The following LDB2 variants were observed in gnomAD, a reference collection of about 807,000 sequenced individuals.
The protein encoded by LDB2 is LIM domain binding 2.
LDB2 carries 12 observed loss-of-function variants against 44.3 expected under a neutral mutation model. That is an observed-to-expected ratio of 0.27 (90% CI 0.17 to 0.44). LDB2 has a LOEUF of 0.44. Among genes scored for constraint, LDB2 ranks in the 20% least tolerant of loss-of-function variants. The pLI is 1.00. For synonymous variants in LDB2, 164 were observed against 174.8 expected, an observed-to-expected ratio of 0.94 and a Z score of 0.49; for missense variants, 344 against 473.5, an observed-to-expected ratio of 0.73 and a Z score of 2.54.
chr4:16,560,043 A>G (rs1409629256), intron 5 of LDB2, among the ~76,000 whole-genome samples: 1 of 152,218 alleles, frequency 6.6e-6, no homozygotes, highest in Non-Finnish European at 1.5e-5. Flanking sequence ...AACATACCAG[A>G]ATCTCTGGGA....
In LDB2 at chr4:16,543,473, T is replaced by C. The variant is rs189700208; in HGVS notation, c.616-31369A>G. On this transcript the variant is annotated intron_variant, in intron 5 of 7. Transcript: ENST00000304523. ...TTTTAACGATCGCCATTCTAACTGATGTGAGATGGTATCTCATTGTGGTTT... is the reference window on the plus strand; with the variant it reads ...TTTTAACGATCGCCATTCTAACTGACGTGAGATGGTATCTCATTGTGGTTT... 5.4e-3 allele frequency among the ~76,000 whole-genome samples: 828 copies of C among 152,368 alleles called. 14 individuals are homozygous for C. The highest frequency in any genetic ancestry group is 0.019 in the African/African-American group (792 of 41,584).
chr4:16,692,602 AG>A (rs1751056254), intron 2 of LDB2, among the ~76,000 whole-genome samples: 1 of 152,074 alleles, frequency 6.6e-6, no homozygotes, highest in Non-Finnish European at 1.5e-5. Flanking sequence ...TCTGCACTGC[AG>A]GGGGAAGAAA....
At chr4:16,547,587 C>T (rs1736210364) in intron 5 of LDB2, among the ~76,000 whole-genome samples, 1 of 152,148 alleles carries the variant, frequency 6.6e-6, no homozygotes, top group Non-Finnish European at 1.5e-5. Context: ...AGGGCTCCTG[C>T]CTGCTCCTTA....
chr4:16,601,716 A>C (rs1005477632), intron 2 of LDB2, among the ~76,000 whole-genome samples: 2 of 152,190 alleles, frequency 1.3e-5, no homozygotes, highest in African/African-American at 2.4e-5. Context: ...TAATTCTGCT[A>C]TATCTCAAAA....
intron 2 of LDB2, among the ~76,000 whole-genome samples, chr4:16,601,734 T>C (rs899845778): frequency 1.3e-5 from 2 of 152,150 alleles, no homozygotes; most frequent in African/African-American, 4.8e-5. Context: ...AAAATCCAAA[T>C]GGAAATTCTA....
intron 1 of LDB2, among the ~76,000 whole-genome samples, chr4:16,825,782 A>G (rs1384560834): frequency 1.3e-5 from 2 of 152,182 alleles, no homozygotes; most frequent in South Asian, 2.1e-4. Flanking sequence ...GTTACTGAAC[A>G]TAGGAATTAA....
intron 2 of LDB2, among the ~76,000 whole-genome samples, chr4:16,748,610 T>C (rs532040432): frequency 6.6e-6 from 1 of 152,268 alleles, no homozygotes; most frequent in South Asian, 2.1e-4. Flanking sequence ...GTGTTCACAG[T>C]TCTAAAACAT....
chr4:16,898,419 G>C lies in LDB2; in HGVS notation c.67C>G (p.Pro23Ala). The C allele has an allele frequency of 6.2e-7, 1 of 1,613,676 alleles. No individual in the cohort carries two copies. The highest frequency in any genetic ancestry group is 8.5e-7 in the Non-Finnish European group (1 of 1,179,722). The part of the protein sequence containing the change: ...PFGPFYRRHT[P>A]YMVQPEYRIY... ...CGGTACTCTGGCTGTACCATGTATG[G>C]TGTATGCCTCCTATAAAATGGGCCG... The change falls in exon 1 of 8, where the codon CCA becomes GCA. Residue 23 changes from proline to alanine, a missense_variant. Around this residue, in one of 3 missense-constraint regions of LDB2, gnomAD observed 226 missense variants for 270.1 expected, o/e 0.84. Transcript: ENST00000304523.
In LDB2 at chr4:16,595,731, G is replaced by T; in HGVS notation, c.380C>A (p.Thr127Asn). The change falls in exon 3 of 8, where the codon ACC becomes AAC. Residue 127 changes from threonine (T) to asparagine (N), a missense_variant. Physicochemically the swap from Thr to Asn is moderately conservative, Grantham distance 65. Coordinates refer to ENST00000304523, the MANE Select transcript of LDB2 (RefSeq NM_001290.5). ...TVDCDQCTMV[T>N]QHGKPMFTKV... is the part of the protein sequence containing the mutation. Reference sequence around the variant, plus strand: ...GGTAAACATGGGCTTCCCGTGCTGGGTGACCATGGTACACTGGTCGCAGTC... The same window carrying T: ...GGTAAACATGGGCTTCCCGTGCTGGTTGACCATGGTACACTGGTCGCAGTC... 6.2e-7 allele frequency: 1 copy of T among 1,613,662 alleles called. No homozygotes were observed. The highest frequency in any genetic ancestry group is 8.5e-7 in the Non-Finnish European group (1 of 1,179,796).
At chr4:16,588,880 C>A in intron 3 of LDB2, 48 bp from the exon 4 acceptor site, 1 of 1,602,810 alleles carries the variant, frequency 6.2e-7, no homozygotes. Flanking sequence ...TTTGTGAAAG[C>A]CACATTTTGT....
At chr4:16,695,166 G>A (rs1041120764) in intron 2 of LDB2, among the ~76,000 whole-genome samples, 2 of 152,180 alleles carry the variant, frequency 1.3e-5, no homozygotes, top group African/African-American at 2.4e-5. Flanking sequence ...TTCTGAATAT[G>A]TTTGTGTGTT....
intron 1 of LDB2, among the ~76,000 whole-genome samples, chr4:16,813,933 G>A (rs1031395291): frequency 1.3e-5 from 2 of 150,744 alleles, no homozygotes; most frequent in Non-Finnish European, 3.0e-5. Context: ...GTGCAGTGGC[G>A]CGATCTCGGC....
At chr4:16,763,410 T>C (rs1384958267) in intron 1 of LDB2, among the ~76,000 whole-genome samples, 2 of 133,082 alleles carry the variant, frequency 1.5e-5, no homozygotes, top group Non-Finnish European at 3.2e-5. Flanking sequence ...TAAATTGTAA[T>C]TTTCAATCTC....
In LDB2 at chr4:16,510,004, A is replaced by T. The variant is rs144142549; in HGVS notation, c.740-1318T>A. On this transcript the variant is annotated intron_variant, in intron 6 of 7. Coordinates refer to ENST00000304523, the MANE Select transcript of LDB2 (RefSeq NM_001290.5). ...GTGATACGCACCAGGGGTCCCAGATACTCTTGAGGCTGAGGTGTGAGAATC... is the reference window on the plus strand; with the variant it reads ...GTGATACGCACCAGGGGTCCCAGATTCTCTTGAGGCTGAGGTGTGAGAATC... Among the ~76,000 whole-genome samples, 15 of 152,134 alleles carry T rather than the reference A, an allele frequency of 9.9e-5. No individual in the cohort carries two copies. The East Asian group carries it at 2.7e-3, about 27-fold the overall frequency.
At chr4:16,503,099 G>T in intron 7 of LDB2, 1 of 1,536,812 alleles carries the variant, frequency 6.5e-7, no homozygotes, top group Non-Finnish European at 8.7e-7. Flanking sequence ...TTAGTGCGCA[G>T]CCTGACACTG....
At chr4:16,665,517 G>A (rs1038395539) in intron 2 of LDB2, among the ~76,000 whole-genome samples, 78 of 151,910 alleles carry the variant, frequency 5.1e-4, no homozygotes, top group Admixed American at 4.8e-3. Context: ...TGCCCACCTC[G>A]GCCTCCCAAA....
intron 2 of LDB2, among the ~76,000 whole-genome samples, chr4:16,756,235 G>A (rs545796827): frequency 1.2e-4 from 18 of 152,076 alleles, no homozygotes; most frequent in African/African-American, 3.4e-4. Context: ...GGATCACTTC[G>A]GGCCAGGAGT....
rs74700030 is a variant in LDB2 at position 16,599,009 on chromosome 4, G to T, written c.236-3134C>A. ...TGGTAAACACTGAGAGAATAAAGAG[G>T]AAGTGATGAGAGCGATCAGCTACAA... is the stretch of plus-strand genomic sequence containing the variant. On this transcript the variant is annotated intron_variant, in intron 2 of 7. Transcript: ENST00000304523. 8.5e-5 allele frequency among the ~76,000 whole-genome samples: 13 copies of T among 152,106 alleles called. No homozygotes were observed. In the East Asian group the frequency reaches 2.5e-3, roughly 29 times the overall value.
chr4:16,739,449 G>T (rs1008579903), intron 2 of LDB2, among the ~76,000 whole-genome samples: 4 of 149,114 alleles, frequency 2.7e-5, no homozygotes, highest in Non-Finnish European at 4.4e-5. Context: ...AGCCAGATGT[G>T]CTGGTGCATG....
Sources: gnomAD v4.1 joint callset for allele counts (sites outside exome capture counted in the v4.1 genomes callset) on GRCh38, gnomAD v4.1.1 for gene constraint, gnomAD v4.1.1 regional missense constraint, MANE v1.5 for transcripts, NCBI Gene and HGNC (gene_info 2026-07-23, HGNC 2026-07-21) for gene names.